NRXN1: variants seen among roughly 807,000 people sequenced by gnomAD.
NRXN1 encodes the protein neurexin-1.
Under a neutral mutation model 150.9 loss-of-function variants are expected in NRXN1, and 39 were observed. That is an observed-to-expected ratio of 0.26 (90% confidence interval 0.20 to 0.34). The LOEUF (loss-of-function observed/expected upper bound fraction) is 0.34, where lower values mean the gene tolerates loss of function less well. Ranked by LOEUF, NRXN1 falls within the 10% of genes least tolerant of loss-of-function variation. The pLI, the probability that NRXN1 is intolerant of heterozygous loss-of-function variation, is 1.00. For missense variants in NRXN1, 1,815 were observed against 1,949.9 expected (o/e 0.93, Z 1.30); for synonymous variants, 924 against 757.0 (o/e 1.22, Z -3.62).
At chr2:50,165,994 C>T (rs1317394862) in intron 18 of NRXN1, among the ~76,000 whole-genome samples, 1 of 151,992 alleles carries the variant, frequency 6.6e-6, no homozygotes, top group African/African-American at 2.4e-5. Context: ...ATTCTCTTCC[C>T]TTTGAGTGTG....
At chr2:50,816,786 T>C (rs1160159582) in intron 5 of NRXN1, among the ~76,000 whole-genome samples, 2 of 152,248 alleles carry the variant, frequency 1.3e-5, no homozygotes, top group South Asian at 4.1e-4. Flanking sequence ...CCTGAACAAG[T>C]AGAACTTTTG....
intron 2 of NRXN1, among the ~76,000 whole-genome samples, chr2:50,976,757 T>C (rs1186960416): frequency 1.3e-5 from 2 of 151,950 alleles, no homozygotes; most frequent in Non-Finnish European, 2.9e-5. Flanking sequence ...ACTGTAACCC[T>C]GTGTACATTT....
intron 17 of NRXN1, among the ~76,000 whole-genome samples, chr2:50,320,221 T>G (rs1033795723): frequency 6.8e-6 from 1 of 146,386 alleles, no homozygotes; most frequent in African/African-American, 2.5e-5. Flanking sequence ...CTATTTTTTC[T>G]TATTTTATCA....
intron 10 of NRXN1, among the ~76,000 whole-genome samples, chr2:50,536,543 C>T (rs890787491): frequency 1.3e-5 from 2 of 152,146 alleles, no homozygotes; most frequent in South Asian, 2.1e-4. Flanking sequence ...TGGTACACCA[C>T]GCATAGTTAA....
intron 5 of NRXN1, among the ~76,000 whole-genome samples, chr2:50,886,642 A>G (rs1193261412): frequency 2.6e-5 from 4 of 151,416 alleles, no homozygotes; most frequent in Non-Finnish European, 4.4e-5. Context: ...TTCTATCAAT[A>G]GTCATTTGTG....
chr2:49,937,292 T>A (rs1309839831), intron 22 of NRXN1, among the ~76,000 whole-genome samples: 1 of 152,156 alleles, frequency 6.6e-6, no homozygotes, highest in East Asian at 1.9e-4. Context: ...CCCTCCAGCC[T>A]TTTTTGTTTG....
intron 5 of NRXN1, among the ~76,000 whole-genome samples, chr2:50,634,749 T>A (rs890452492): frequency 6.6e-6 from 1 of 152,078 alleles, no homozygotes; most frequent in African/African-American, 2.4e-5. Context: ...CACCGCCCCC[T>A]CAAGACCTGG....
At chr2:50,587,378 A>G (rs1390651663) in intron 8 of NRXN1, among the ~76,000 whole-genome samples, 1 of 152,294 alleles carries the variant, frequency 6.6e-6, no homozygotes, top group East Asian at 1.9e-4. Context: ...CTAGCTACTC[A>G]GGAGGCTGAG....
chr2:50,726,361 C>T (rs1443621593), intron 5 of NRXN1, among the ~76,000 whole-genome samples: 1 of 152,132 alleles, frequency 6.6e-6, no homozygotes, highest in Admixed American at 6.5e-5. Flanking sequence ...ATAGTAATAA[C>T]CTTAGCTGCG....
chr2:50,183,155 T>C (rs1442291328), intron 18 of NRXN1, among the ~76,000 whole-genome samples: 1 of 152,018 alleles, frequency 6.6e-6, no homozygotes, highest in Non-Finnish European at 1.5e-5. Flanking sequence ...TAGATGTGAG[T>C]GAAGAGGAAA....
intron 2 of NRXN1, among the ~76,000 whole-genome samples, chr2:50,956,435 T>C (rs1028729687): frequency 6.6e-6 from 1 of 152,050 alleles, no homozygotes; most frequent in African/African-American, 2.4e-5. Context: ...CGTGATGGGC[T>C]TAAAACAAAT....
intron 5 of NRXN1, among the ~76,000 whole-genome samples, chr2:50,684,390 C>A (rs1690916573): frequency 6.6e-6 from 1 of 151,970 alleles, no homozygotes. Context: ...GTAGTCCCAG[C>A]TACTAGGAGG....
chr2:50,597,785 T>C (rs886389061), intron 8 of NRXN1, among the ~76,000 whole-genome samples: 5 of 151,982 alleles, frequency 3.3e-5, no homozygotes, highest in African/African-American at 1.2e-4. Flanking sequence ...AATAAATGAG[T>C]GAGTCTAAAA....
At chr2:50,813,881 T>C (rs1409585235) in intron 5 of NRXN1, among the ~76,000 whole-genome samples, 1 of 152,198 alleles carries the variant, frequency 6.6e-6, no homozygotes, top group Non-Finnish European at 1.5e-5. Context: ...TTTATTATTA[T>C]GACTTTAACA....
chr2:50,800,362 C>G (rs1707419064), intron 5 of NRXN1, among the ~76,000 whole-genome samples: 1 of 152,076 alleles, frequency 6.6e-6, no homozygotes, highest in Non-Finnish European at 1.5e-5. Context: ...TTGCACTTTG[C>G]ATTTTTTTCT....
In NRXN1 at chr2:50,230,463, G is replaced by C. The variant is rs1408464508; in HGVS notation, c.3546+6326C>G. ...GCGGCATCAATGTGTTTTAACAAAG[G>C]AATAATATGATCAAAGAACCAGATT... On this transcript the variant is annotated intron_variant, in intron 18 of 22. Transcript: ENST00000401669. 1.3e-5 allele frequency among the ~76,000 whole-genome samples: 2 copies of C among 151,776 alleles called. 1 individual carries two copies. Among genetic ancestry groups the C allele is most frequent in the East Asian group, 3.9e-4 (2 of 5,144 alleles).
intron 2 of NRXN1, among the ~76,000 whole-genome samples, chr2:50,987,089 A>G (rs1697839754): frequency 6.6e-6 from 1 of 151,862 alleles, no homozygotes; most frequent in Non-Finnish European, 1.5e-5. Flanking sequence ...AAATTAAACA[A>G]GAGGAGAAAA....
chr2:50,142,325 G>A (rs895441639), intron 18 of NRXN1, among the ~76,000 whole-genome samples: 7 of 151,770 alleles, frequency 4.6e-5, no homozygotes, highest in Non-Finnish European at 8.8e-5. Flanking sequence ...TGTAGAAAGG[G>A]GGTGAAGAGA....
intron 5 of NRXN1, among the ~76,000 whole-genome samples, chr2:50,721,448 G>T (rs964417778): frequency 6.6e-6 from 1 of 152,142 alleles, no homozygotes; most frequent in East Asian, 1.9e-4. Context: ...ATTCCTCTGA[G>T]GTGCAGTAAC....
Sources: gnomAD v4.1 joint callset for allele counts (sites outside exome capture counted in the v4.1 genomes callset) on GRCh38, gnomAD v4.1.1 for gene constraint, MANE v1.5 for transcripts, NCBI Gene and HGNC (gene_info 2026-07-23, HGNC 2026-07-21) for gene names.